ZNF804B: variants seen among roughly 807,000 people sequenced by gnomAD.
The protein encoded by ZNF804B is zinc finger protein 804B.
In ZNF804B, 80 loss-of-function variants were observed where a neutral mutation model predicts 101.4. The ratio of observed to expected loss-of-function variants is 0.79; its 90% CI spans 0.66 to 0.95. ZNF804B has a LOEUF of 0.95. ZNF804B is among the 40% of genes least tolerant of loss of function. The probability of loss-of-function intolerance (pLI) is 0.00; values close to 1 mark genes in which losing one functional copy is unlikely to be tolerated. For missense variants in ZNF804B, 1,673 were observed against 1,561.9 expected (o/e 1.07, Z -1.20); for synonymous variants, 622 against 558.8 (o/e 1.11, Z -1.59).
intron 1 of ZNF804B, among the ~76,000 whole-genome samples, chr7:88,763,747 A>G (rs1789934827): frequency 1.5e-5 from 2 of 130,008 alleles, no homozygotes; most frequent in Non-Finnish European, 3.1e-5. Flanking sequence ...TATATACATT[A>G]TAGACAGAAA....
intron 1 of ZNF804B, among the ~76,000 whole-genome samples, chr7:88,942,759 T>C (rs1793074602): frequency 6.6e-6 from 1 of 151,830 alleles, no homozygotes; most frequent in Non-Finnish European, 1.5e-5. Flanking sequence ...CCTTATATAT[T>C]ATGTGTGTTG....
intron 2 of ZNF804B, among the ~76,000 whole-genome samples, chr7:89,236,163 C>G (rs1156424640): frequency 6.6e-6 from 1 of 152,030 alleles, no homozygotes; most frequent in East Asian, 1.9e-4. Context: ...TAGCTCCTAC[C>G]ATTTGCAAAG....
intron 1 of ZNF804B, among the ~76,000 whole-genome samples, chr7:89,064,022 C>T (rs531320708): frequency 1.1e-4 from 16 of 152,138 alleles, no homozygotes; most frequent in South Asian, 2.1e-4. Context: ...GTTGGGTTCT[C>T]GAGGAAGCAG....
At chr7:88,834,419 C>G (rs985636531) in intron 1 of ZNF804B, among the ~76,000 whole-genome samples, 1 of 151,702 alleles carries the variant, frequency 6.6e-6, no homozygotes, top group Admixed American at 6.6e-5. Context: ...ACAAGAAAAA[C>G]TAGTCATCTC....
At chr7:89,202,935 G>A (rs866185591) in intron 1 of ZNF804B, among the ~76,000 whole-genome samples, 6 of 152,116 alleles carry the variant, frequency 3.9e-5, no homozygotes, top group Middle Eastern at 3.4e-3. Context: ...TACAATAGAC[G>A]TATTGTAGCT....
intron 2 of ZNF804B, among the ~76,000 whole-genome samples, chr7:89,265,364 A>G (rs1402747766): frequency 6.6e-6 from 1 of 152,246 alleles, no homozygotes; most frequent in Non-Finnish European, 1.5e-5. Context: ...GTAAATAAAC[A>G]GATAAGCACA....
intron 2 of ZNF804B, among the ~76,000 whole-genome samples, chr7:89,245,075 G>C (rs1214908782): frequency 6.6e-6 from 1 of 152,028 alleles, no homozygotes. Flanking sequence ...CAGGAATAAG[G>C]TGTGATTAAT....
intron 1 of ZNF804B, among the ~76,000 whole-genome samples, chr7:88,791,190 C>A (rs1047157874): frequency 2.0e-5 from 3 of 152,106 alleles, no homozygotes; most frequent in African/African-American, 7.2e-5. Context: ...TTTAAGCTCC[C>A]TTTGATTTAT....
intron 2 of ZNF804B, among the ~76,000 whole-genome samples, chr7:89,320,104 G>T (rs917523627): frequency 6.6e-6 from 1 of 151,992 alleles, no homozygotes; most frequent in Non-Finnish European, 1.5e-5. Context: ...TGTAGGTGAT[G>T]GGTTGATGGG....
chr7:89,172,809 G>C (rs1381766915), intron 1 of ZNF804B, among the ~76,000 whole-genome samples: 2 of 152,012 alleles, frequency 1.3e-5, no homozygotes, highest in Non-Finnish European at 2.9e-5. Context: ...CTTTGGAATT[G>C]GTCTTTGACT....
intron 1 of ZNF804B, among the ~76,000 whole-genome samples, chr7:88,828,760 G>A (rs977675949): frequency 5.5e-4 from 83 of 152,090 alleles, no homozygotes; most frequent in African/African-American, 2.0e-3. Context: ...TTTTGATGAG[G>A]GTATATTGTT....
intron 1 of ZNF804B, among the ~76,000 whole-genome samples, chr7:88,911,184 G>C (rs1382849156): frequency 6.6e-6 from 1 of 151,862 alleles, no homozygotes; most frequent in Non-Finnish European, 1.5e-5. Context: ...TAAAATACAG[G>C]AATTTATGTA....
At chr7:89,022,445 G>A (rs963697675) in intron 1 of ZNF804B, among the ~76,000 whole-genome samples, 1 of 151,952 alleles carries the variant, frequency 6.6e-6, no homozygotes. Context: ...TTTATTATCC[G>A]GTTATGTCTT....
intron 1 of ZNF804B, among the ~76,000 whole-genome samples, chr7:88,772,075 C>A (rs892535920): frequency 2.0e-5 from 3 of 152,090 alleles, no homozygotes; most frequent in Admixed American, 6.6e-5. Flanking sequence ...AAAGCCCAAA[C>A]AATGCTGATT....
chr7:89,255,968 T>C (rs1789626383), intron 2 of ZNF804B, among the ~76,000 whole-genome samples: 1 of 152,062 alleles, frequency 6.6e-6, no homozygotes, highest in South Asian at 2.1e-4. Context: ...AAACTGCAAA[T>C]TAAAACCAAA....
At chr7:89,006,380 A>C (rs532187572) in intron 1 of ZNF804B, among the ~76,000 whole-genome samples, 26 of 152,126 alleles carry the variant, frequency 1.7e-4, no homozygotes, top group African/African-American at 6.3e-4. Context: ...AAAACACCTC[A>C]TATTTTATCT....
chr7:88,794,268 G>A lies in ZNF804B; in HGVS notation c.108+34184G>A, dbSNP rs368156278. On this transcript the variant is annotated intron_variant, in intron 1 of 3. Transcript: ENST00000333190. ...TATACATGTTTATAAATGTTGCCGG[G>A]TCCATGAATTCTTCGGATTTGCACA... is the stretch of plus-strand genomic sequence containing the variant. 3.1e-6 allele frequency: 5 copies of A among 1,613,760 alleles called. No individual in the cohort carries two copies. In the African/African-American group the frequency reaches 4.0e-5, roughly 13 times the overall value.
chr7:88,894,629 A>T (rs2115937713), intron 1 of ZNF804B, among the ~76,000 whole-genome samples: 1 of 152,334 alleles, frequency 6.6e-6, no homozygotes, highest in Admixed American at 6.5e-5. Flanking sequence ...AGGTAAATGG[A>T]TAAACAAACT....
chr7:88,820,093 T>A (rs1260938879), intron 1 of ZNF804B, among the ~76,000 whole-genome samples: 2 of 152,180 alleles, frequency 1.3e-5, no homozygotes, highest in African/African-American at 4.8e-5. Context: ...TTGCCACTTA[T>A]TTTTTAGCAA....
Sources: allele counts gnomAD v4.1 joint callset (sites outside exome capture counted in the v4.1 genomes callset), GRCh38; gene constraint gnomAD v4.1.1; transcripts MANE v1.5; gene names NCBI Gene and HGNC (gene_info 2026-07-23, HGNC 2026-07-21).